The following FGF14 variants were observed in gnomAD, a reference collection of about 807,000 sequenced individuals.
FGF14 encodes fibroblast growth factor 14.
Under a neutral mutation model 25.5 loss-of-function variants are expected in FGF14, and 5 were observed. The observed-to-expected ratio is 0.20, with a 90% confidence interval of 0.10 to 0.41. The LOEUF (loss-of-function observed/expected upper bound fraction) is 0.41. Among genes scored for constraint, FGF14 ranks in the 10% least tolerant of loss-of-function variants. The pLI is 1.00. For missense variants in FGF14, 222 were observed against 320.1 expected, an observed-to-expected ratio of 0.69 and a Z score of 2.34; for synonymous variants, 138 against 118.3, an observed-to-expected ratio of 1.17 and a Z score of -1.08.
chr13:102,019,654 C>G (rs191622869), intron 1 of FGF14, among the ~76,000 whole-genome samples: 1 of 152,154 alleles, frequency 6.6e-6, no homozygotes, highest in Non-Finnish European at 1.5e-5. Context: ...AAATGTTTCT[C>G]CCCAAAATGA....
At chr13:101,965,974 G>A (rs544323228) in intron 1 of FGF14, among the ~76,000 whole-genome samples, 17 of 152,170 alleles carry the variant, frequency 1.1e-4, no homozygotes, top group African/African-American at 3.4e-4. Flanking sequence ...ACACATCACC[G>A]TCACCAGAAC....
At chr13:101,934,726 G>C (rs950216855) in intron 1 of FGF14, among the ~76,000 whole-genome samples, 1 of 148,694 alleles carries the variant, frequency 6.7e-6, no homozygotes, top group East Asian at 2.0e-4. Context: ...AAGTCCAAAT[G>C]CCCCTCACTC....
At chr13:102,152,294 T>A (rs1035840624) in intron 1 of FGF14, among the ~76,000 whole-genome samples, 4 of 152,196 alleles carry the variant, frequency 2.6e-5, no homozygotes, top group Non-Finnish European at 5.9e-5. Flanking sequence ...AGGGTTCCCA[T>A]AACAAAGTAC....
intron 1 of FGF14, among the ~76,000 whole-genome samples, chr13:102,124,934 T>G (rs1566717282): frequency 6.6e-6 from 1 of 152,176 alleles, no homozygotes; most frequent in Admixed American, 6.5e-5. Context: ...TTAGAAATAC[T>G]ATTTCACTAC....
chr13:101,821,037 C>T lies in FGF14; in HGVS notation c.408+47688G>A, dbSNP rs9585786. Among the ~76,000 whole-genome samples, 821 of 148,048 alleles carry T rather than the reference C, an allele frequency of 5.5e-3. 9 individuals are homozygous for T. The highest frequency in any genetic ancestry group is 0.017 in the African/African-American group (705 of 40,694). On this transcript the variant is annotated intron_variant, in intron 3 of 4. Coordinates refer to ENST00000376143, the MANE Select transcript of FGF14 (RefSeq NM_004115.4). ...ATCTCGGCTCACTGCAGGCTCCGCC[C>T]CCCGGGATTCACGCCATTCTCCTGC... is the stretch of plus-strand genomic sequence containing the variant.
intron 3 of FGF14, among the ~76,000 whole-genome samples, chr13:101,749,794 A>G (rs1223888271): frequency 6.6e-6 from 1 of 152,132 alleles, no homozygotes; most frequent in Non-Finnish European, 1.5e-5. Flanking sequence ...GATAGTTTAA[A>G]AAATTATAAA....
intron 1 of FGF14, among the ~76,000 whole-genome samples, chr13:102,306,993 G>A (rs148019943): frequency 6.6e-6 from 1 of 152,054 alleles, no homozygotes; most frequent in Non-Finnish European, 1.5e-5. Flanking sequence ...ATGACCCAGG[G>A]CATTTCTCTG....
At chr13:102,067,476 T>G (rs963062680) in intron 1 of FGF14, among the ~76,000 whole-genome samples, 4 of 151,572 alleles carry the variant, frequency 2.6e-5, no homozygotes, top group African/African-American at 9.7e-5. Context: ...CCTAATTGGG[T>G]GATTGCACAA....
At chr13:102,283,855 C>G (rs9554864) in intron 1 of FGF14, among the ~76,000 whole-genome samples, 24,915 of 152,112 alleles carry the variant, frequency 0.16, 2,242 homozygotes, top group Non-Finnish European at 0.21. Flanking sequence ...TTCCAAGTAT[C>G]AATTTCTGAG....
chr13:101,916,286 C>G (rs1381516468), intron 1 of FGF14, among the ~76,000 whole-genome samples, 167 bp downstream of exon 1: 1 of 152,216 alleles, frequency 6.6e-6, no homozygotes, highest in Non-Finnish European at 1.5e-5. Flanking sequence ...ACAGGTTGCC[C>G]GACAGCGGAC....
chr13:101,952,644 AT>A (rs2036245686), intron 1 of FGF14, among the ~76,000 whole-genome samples: 1 of 152,158 alleles, frequency 6.6e-6, no homozygotes, highest in Non-Finnish European at 1.5e-5. Context: ...GAACAGGCAA[AT>A]ATCACCTATC....
At chr13:102,104,550 T>C (rs933528900) in intron 1 of FGF14, among the ~76,000 whole-genome samples, 1 of 152,082 alleles carries the variant, frequency 6.6e-6, no homozygotes, top group Non-Finnish European at 1.5e-5. Flanking sequence ...CTGAGACAGG[T>C]GGATCACTGG....
chr13:102,040,421 T>A (rs527321465), intron 1 of FGF14, among the ~76,000 whole-genome samples: 1 of 152,258 alleles, frequency 6.6e-6, no homozygotes, highest in South Asian at 2.1e-4. Context: ...CCGTCAAAAA[T>A]TTCAGAAAAT....
intron 3 of FGF14, among the ~76,000 whole-genome samples, chr13:101,799,520 C>G (rs1016460315): frequency 6.6e-6 from 1 of 152,078 alleles, no homozygotes; most frequent in Non-Finnish European, 1.5e-5. Flanking sequence ...GGCAGCAAAA[C>G]ATGGCGTTAG....
chr13:102,030,140 T>A (rs913834672), intron 1 of FGF14, among the ~76,000 whole-genome samples: 28 of 152,250 alleles, frequency 1.8e-4, no homozygotes, highest in African/African-American at 6.7e-4. Context: ...ACCCCCAAAT[T>A]CCTACAAACA....
chr13:101,908,850 G>A (rs1018170152), intron 1 of FGF14, among the ~76,000 whole-genome samples: 1 of 152,122 alleles, frequency 6.6e-6, no homozygotes, highest in Admixed American at 6.5e-5. Flanking sequence ...ATACTACAAG[G>A]CTACAGTAAC....
At chr13:101,991,740 G>A (rs1322311610) in intron 1 of FGF14, among the ~76,000 whole-genome samples, 2 of 151,974 alleles carry the variant, frequency 1.3e-5, no homozygotes, top group Non-Finnish European at 2.9e-5. Flanking sequence ...AGCTGTAATC[G>A]GTGAATGACT....
chr13:102,338,737 G>A (rs1373090747), intron 1 of FGF14, among the ~76,000 whole-genome samples: 1 of 152,172 alleles, frequency 6.6e-6, no homozygotes, highest in Non-Finnish European at 1.5e-5. Context: ...AAAAGGGCCA[G>A]GTGCCATGGC....
At chr13:102,268,941 T>A (rs2053122485) in intron 1 of FGF14, among the ~76,000 whole-genome samples, 1 of 152,216 alleles carries the variant, frequency 6.6e-6, no homozygotes, top group African/African-American at 2.4e-5. Flanking sequence ...AGAGATGTTA[T>A]TTATGCTGGC....
Sources: allele counts gnomAD v4.1 joint callset (sites outside exome capture counted in the v4.1 genomes callset), GRCh38; gene constraint gnomAD v4.1.1; transcripts MANE v1.5; gene names NCBI Gene and HGNC (gene_info 2026-07-23, HGNC 2026-07-21).